The following ZNF529 variants were observed in gnomAD, a reference collection of about 807,000 sequenced individuals.
The protein encoded by ZNF529 is zinc finger protein 529.
ZNF529 carries 11 observed loss-of-function variants against 10.1 expected under a neutral mutation model. The ratio of observed to expected loss-of-function variants is 1.09; its 90% CI spans 0.69 to 1.81. ZNF529 has a LOEUF of 1.81. Ranked by LOEUF, ZNF529 falls within the 40% of genes most tolerant of loss-of-function variation. ZNF529 has a pLI of 0.00. For synonymous variants in ZNF529, 204 were observed against 215.7 expected (o/e 0.95, Z 0.47); for missense variants, 624 against 666.8 (o/e 0.94, Z 0.71).
At chr19:36,568,454 TG>T (rs1444420789) in intron 2 of ZNF529, among the ~76,000 whole-genome samples, 1 of 150,110 alleles carries the variant, frequency 6.7e-6, no homozygotes, top group African/African-American at 2.4e-5. Flanking sequence ...TACTGGTTTC[TG>T]TTTTATCTGA....
chr19:36,567,162 G>GA (rs1429726427), intron 2 of ZNF529, among the ~76,000 whole-genome samples: 1 of 152,108 alleles, frequency 6.6e-6, no homozygotes, highest in Non-Finnish European at 1.5e-5. Flanking sequence ...TTCATCAATG[G>GA]AATAGAACTG....
chr19:36,565,094 G>A (rs1418456693), intron 2 of ZNF529, among the ~76,000 whole-genome samples: 3 of 152,248 alleles, frequency 2.0e-5, no homozygotes, highest in Middle Eastern at 3.4e-3. Flanking sequence ...TACTAGAGGC[G>A]GGAGGGAGGG....
chr19:36,557,591 G>A (rs2035528313), intron 2 of ZNF529, among the ~76,000 whole-genome samples: 2 of 152,186 alleles, frequency 1.3e-5, no homozygotes, highest in South Asian at 2.1e-4. Context: ...ACCTGGTCCT[G>A]CCCTTGACAT....
At position 36,560,666 on chromosome 19, in the gene ZNF529, T is replaced by A. The variant is rs528120302; in HGVS notation, c.15-4469A>T. ...GAGTTTGAAACATCTGTAGATATAA[T>A]GTGAAGACCAATATTACTATAAGAG... On this transcript the variant is annotated intron_variant, in intron 2 of 4. Transcript: ENST00000591340. Among the ~76,000 whole-genome samples, 62 of 152,180 alleles carry A rather than the reference T, an allele frequency of 4.1e-4. 1 individual carries two copies. The highest frequency in any genetic ancestry group is 7.8e-4 in the Non-Finnish European group (53 of 68,040).
chr19:36,590,255 G>T (rs564085030), intron 1 of ZNF529, among the ~76,000 whole-genome samples: 8 of 152,202 alleles, frequency 5.3e-5, no homozygotes, highest in African/African-American at 1.9e-4. Context: ...CATGGCTGTG[G>T]TCCCAGCTAT....
At chr19:36,589,877 G>A (rs1404394280) in intron 1 of ZNF529, among the ~76,000 whole-genome samples, 7 of 152,030 alleles carry the variant, frequency 4.6e-5, no homozygotes, top group African/African-American at 1.7e-4. Flanking sequence ...AAAAGCATCC[G>A]TGAATTTCAA....
chr19:36,572,047 CCATTCTACTTAAT>C (rs1213996228), intron 2 of ZNF529, among the ~76,000 whole-genome samples: 2 of 146,614 alleles, frequency 1.4e-5, no homozygotes, highest in Non-Finnish European at 3.0e-5. Flanking sequence ...ATCTAGTGTG[CCATTCTACTTAAT>C]CACTCGTCTC....
chr19:36,554,752 C>T lies in ZNF529; in HGVS notation c.153G>A (p.Glu51=). Residue 51 remains glutamate, a synonymous_variant, in exon 4 of 5, where the codon GAG becomes GAA. Transcript: ENST00000591340. ...LRDVVINFSQ[E]EWEYLDSAQR... ...GAGCAGAATCCAGATATTCCCATTCCTCCTGAGAGAAGTTGATGACCACAT... is the reference window on the plus strand; with the variant it reads ...GAGCAGAATCCAGATATTCCCATTCTTCCTGAGAGAAGTTGATGACCACAT... The T allele has an allele frequency of 6.3e-7, 1 of 1,577,416 alleles. No individual in the cohort carries two copies. Among genetic ancestry groups the T allele is most frequent in the Non-Finnish European group, 8.6e-7 (1 of 1,160,758 alleles).
At chr19:36,592,556 T>C (rs2036746861) in intron 1 of ZNF529, among the ~76,000 whole-genome samples, 1 of 147,462 alleles carries the variant, frequency 6.8e-6, no homozygotes, top group African/African-American at 2.5e-5. Context: ...ATCACGCCGC[T>C]GCAATCCAGC....
chr19:36,603,670 C>A (rs2036966194), intron 1 of ZNF529, among the ~76,000 whole-genome samples: 1 of 152,174 alleles, frequency 6.6e-6, no homozygotes, highest in Admixed American at 6.5e-5. Context: ...AGAACACATT[C>A]TTCACCACCG....
rs2035923582 is a variant in ZNF529 at position 36,566,992 on chromosome 19, G to A, written c.14+5341C>T. ...GATCGCGCCACTGCATTCCAGCCTG[G>A]GCAACAGAGCGAGACTGTCTCCAAA... On this transcript the variant is annotated intron_variant, in intron 2 of 4. Coordinates refer to ENST00000591340, the MANE Select transcript of ZNF529 (RefSeq NM_020951.5). Among the ~76,000 whole-genome samples, 3 of 151,690 alleles carry A rather than the reference G, an allele frequency of 2.0e-5. No homozygotes were observed. In the South Asian group the frequency reaches 6.3e-4, roughly 32 times the overall value.
At chr19:36,559,029 G>T (rs1423329109) in intron 2 of ZNF529, among the ~76,000 whole-genome samples, 2 of 151,578 alleles carry the variant, frequency 1.3e-5, no homozygotes, top group Non-Finnish European at 2.9e-5. Flanking sequence ...ATATAAAAAG[G>T]TGCTCAATAT....
chr19:36,575,016 T>G, upstream of ZNF529: 1 of 434,472 alleles, frequency 2.3e-6, no homozygotes, highest in East Asian at 7.0e-5. Context: ...TGCTTTGCTA[T>G]GTTTGTATGG....
chr19:36,548,353 A>G, intron 4 of ZNF529, 31 bp from the exon 5 acceptor site: 1 of 1,480,152 alleles, frequency 6.8e-7, no homozygotes, highest in Non-Finnish European at 9.0e-7. Context: ...ATTTTCATGT[A>G]CTACAAAAAT....
chr19:36,568,523 G>A (rs1170858401), intron 2 of ZNF529, among the ~76,000 whole-genome samples: 1 of 150,650 alleles, frequency 6.6e-6, no homozygotes, highest in East Asian at 1.9e-4. Flanking sequence ...CTAGGCTGGA[G>A]TGCAGTGGCA....
chr19:36,571,947 C>G (rs574804604), intron 2 of ZNF529, among the ~76,000 whole-genome samples: 1 of 150,988 alleles, frequency 6.6e-6, no homozygotes, highest in East Asian at 2.0e-4. Context: ...CTAAATGTCT[C>G]CAAAGCCAAC....
At position 36,545,509 on chromosome 19, in the gene ZNF529, A is replaced by G. The variant is rs1397596902; in HGVS notation, c.*1357T>C. The G allele has an allele frequency of 1.3e-5, 2 of 151,620 alleles. No homozygotes were observed. The highest frequency in any genetic ancestry group is 6.6e-5 in the Admixed American group (1 of 15,184). The allele number at this position is 151,620 out of a possible 1,614,324, so 9.4% of individuals were successfully genotyped here. ...CCACTGCACTCCAGCCTAGGCAACA[A>G]GAGCAAAACTCTGTCTAAAAAAAAA... On this transcript the variant is annotated 3_prime_UTR_variant, in exon 5 of 5. Transcript: ENST00000591340.
In ZNF529 at chr19:36,548,041, A is replaced by T; in HGVS notation, c.517T>A (p.Tyr173Asn). The change falls in exon 5 of 5, where the codon TAC becomes AAC. Residue 173 changes from tyrosine (Y) to asparagine (N), a missense_variant. By Grantham distance (143) the Tyr-to-Asn change is moderately radical. Coordinates refer to ENST00000591340, the MANE Select transcript of ZNF529 (RefSeq NM_020951.5). ...RTHDSEKPYE[Y>N]KEYEKVFSCD... ...CTGAAGACCTTCTCATATTCCTTGT[A>T]TTCATAGGGCTTCTCACTGTCATGA... 4 of 1,613,924 alleles carry T rather than the reference A, an allele frequency of 2.5e-6. No homozygotes were observed. The highest frequency in any genetic ancestry group is 3.4e-6 in the Non-Finnish European group (4 of 1,179,878).
Position 36,554,802 on chromosome 19 carries a change from A to G in ZNF529, c.109-6T>C. On this transcript the variant is annotated splice_region_variant and splice_polypyrimidine_tract_variant and intron_variant, in intron 3 of 4. Transcript: ENST00000591340. The stretch of plus-strand genomic sequence containing the variant: ...TCCCTGAGTGTCACCAGTTCCTGAA[A>G]CAACAAACCCGTACATTACAGGTAA... 1 of 1,548,324 alleles carries G rather than the reference A, an allele frequency of 6.5e-7. No homozygotes were observed. The highest frequency in any genetic ancestry group is 8.7e-7 in the Non-Finnish European group (1 of 1,146,276).
Sources: gnomAD v4.1 joint callset for allele counts (sites outside exome capture counted in the v4.1 genomes callset) on GRCh38, gnomAD v4.1.1 for gene constraint, MANE v1.5 for transcripts, NCBI Gene and HGNC (gene_info 2026-07-23, HGNC 2026-07-21) for gene names.